Variants in C17orf67 observed in about 807,000 individuals in gnomAD.
The protein encoded by C17orf67 is chromosome 17 open reading frame 67.
C17orf67 carries 12 observed loss-of-function variants against 11.2 expected under a neutral mutation model. The ratio of observed to expected loss-of-function variants is 1.07; its 90% confidence interval spans 0.68 to 1.73. The LOEUF (loss-of-function observed/expected upper bound fraction) is 1.73, where lower values mean the gene tolerates loss of function less well. C17orf67 is among the 40% of genes most tolerant of loss of function. The probability of loss-of-function intolerance (pLI) is 0.00; values close to 1 mark genes in which losing one functional copy is unlikely to be tolerated. For missense variants in C17orf67, 115 were observed against 113.5 expected (o/e 1.01, Z -0.06); for synonymous variants, 59 against 46.9 (o/e 1.26, Z -1.05).
chr17:56,827,243 A>AT (rs1906062442), intron 2 of C17orf67, among the ~76,000 whole-genome samples: 2 of 152,244 alleles, frequency 1.3e-5, no homozygotes, highest in East Asian at 1.9e-4. Context: ...TCCTACCAGA[A>AT]TTTTTTTTGA....
chr17:56,811,760 G>A (rs1239084691), intron 6 of C17orf67, among the ~76,000 whole-genome samples: 2 of 152,204 alleles, frequency 1.3e-5, no homozygotes, highest in Non-Finnish European at 2.9e-5. Context: ...TGATCAGCAC[G>A]CACCACTTGA....
chr17:56,795,400 G>A (rs374146273), intron 6 of C17orf67: 42 of 532,556 alleles, frequency 7.9e-5, no homozygotes, highest in South Asian at 4.5e-4. Flanking sequence ...AGTGCTGAGC[G>A]GGTGGATTTC....
chr17:56,797,280 T>C (rs1820604673), intron 6 of C17orf67, among the ~76,000 whole-genome samples: 1 of 152,096 alleles, frequency 6.6e-6, no homozygotes, highest in African/African-American at 2.4e-5. Flanking sequence ...TGTCTAAGTT[T>C]GCAGGGCCAA....
intron 2 of C17orf67, among the ~76,000 whole-genome samples, chr17:56,826,678 T>A (rs1906041055): frequency 1.3e-5 from 2 of 152,246 alleles, no homozygotes; most frequent in Non-Finnish European, 2.9e-5. Context: ...TTTAACAAGA[T>A]TCCCAGGGCA....
At chr17:56,812,441 G>A (rs191431936) in intron 6 of C17orf67, among the ~76,000 whole-genome samples, 32 of 152,326 alleles carry the variant, frequency 2.1e-4, no homozygotes, top group African/African-American at 7.7e-4. Flanking sequence ...ACCTATGGAT[G>A]AGAACTACTG....
chr17:56,832,254 T>C (rs1349156034), intron 2 of C17orf67, among the ~76,000 whole-genome samples: 2 of 152,158 alleles, frequency 1.3e-5, no homozygotes, highest in African/African-American at 4.8e-5. Context: ...CCTAAACACA[T>C]AGTTTTTAAC....
chr17:56,826,703 G>A (rs1233449301), intron 2 of C17orf67, among the ~76,000 whole-genome samples: 1 of 152,238 alleles, frequency 6.6e-6, no homozygotes, highest in Non-Finnish European at 1.5e-5. Flanking sequence ...TCTCAGAGAA[G>A]TAGCAGAATA....
At chr17:56,821,692 C>T (rs1397710584) in intron 4 of C17orf67, among the ~76,000 whole-genome samples, 6 of 152,212 alleles carry the variant, frequency 3.9e-5, no homozygotes, top group Admixed American at 6.5e-5. Flanking sequence ...TATTTACAGG[C>T]ATACTGTGCA....
intron 6 of C17orf67, among the ~76,000 whole-genome samples, chr17:56,807,883 C>T (rs912790609): frequency 2.7e-5 from 4 of 145,812 alleles, no homozygotes; most frequent in Non-Finnish European, 4.5e-5. Context: ...CAGTGAGACC[C>T]TGTCTCAAAA....
intron 4 of C17orf67, among the ~76,000 whole-genome samples, chr17:56,821,355 T>C (rs544809611): frequency 8.3e-4 from 126 of 152,354 alleles, no homozygotes; most frequent in Non-Finnish European, 1.5e-3. Flanking sequence ...TAAAGAATTA[T>C]ATATACATTG....
intron 2 of C17orf67, among the ~76,000 whole-genome samples, chr17:56,828,779 G>A (rs1906110150): frequency 6.9e-6 from 1 of 144,876 alleles, no homozygotes; most frequent in Non-Finnish European, 1.5e-5. Flanking sequence ...TGTAACATAC[G>A]AAAAGCAGCT....
intron 4 of C17orf67, among the ~76,000 whole-genome samples, chr17:56,823,530 A>G (rs73325015): frequency 0.016 from 2,488 of 152,318 alleles, 63 homozygotes; most frequent in African/African-American, 0.057. Flanking sequence ...TAAAAAAGGA[A>G]TGTTCAGAAA....
At chr17:56,800,739 G>A in intron 6 of C17orf67, among the ~76,000 whole-genome samples, 1 of 152,114 alleles carries the variant, frequency 6.6e-6, no homozygotes, top group South Asian at 2.1e-4. Context: ...ACTTCTCTGG[G>A]TCTCCAAAGC....
intron 6 of C17orf67, among the ~76,000 whole-genome samples, chr17:56,805,971 CTTTTTTTTTT>C (rs10684052): frequency 1.7e-4 from 17 of 98,018 alleles, no homozygotes; most frequent in South Asian, 7.0e-4. Flanking sequence ...GTTGATTTTC[CTTTTTTTTTT>C]TTTTTTTTTT....
intron 6 of C17orf67, among the ~76,000 whole-genome samples, chr17:56,797,371 C>T (rs1166330780): frequency 6.6e-6 from 1 of 152,110 alleles, no homozygotes; most frequent in East Asian, 1.9e-4. Flanking sequence ...ACAGCACAAC[C>T]TTTGCAAGGC....
At chr17:56,811,564 T>G (rs1477705859) in intron 6 of C17orf67, among the ~76,000 whole-genome samples, 1 of 151,256 alleles carries the variant, frequency 6.6e-6, no homozygotes, top group Non-Finnish European at 1.5e-5. Flanking sequence ...ACTCTCTTCT[T>G]GCAGAGCCGC....
At chr17:56,806,556 G>C (rs1337103688) in intron 6 of C17orf67, among the ~76,000 whole-genome samples, 1 of 152,260 alleles carries the variant, frequency 6.6e-6, no homozygotes, top group East Asian at 1.9e-4. Context: ...TAGGAAGGCA[G>C]AATTTTACTG....
intron 4 of C17orf67, among the ~76,000 whole-genome samples, chr17:56,824,023 T>A (rs931330939): frequency 6.6e-6 from 1 of 152,256 alleles, no homozygotes; most frequent in Admixed American, 6.5e-5. Flanking sequence ...ATGACTGCTA[T>A]GATTGGAGTG....
intron 4 of C17orf67, among the ~76,000 whole-genome samples, chr17:56,823,352 C>A (rs1201599897): frequency 1.3e-5 from 2 of 151,492 alleles, no homozygotes; most frequent in Non-Finnish European, 2.9e-5. Flanking sequence ...ACCTGAGGTT[C>A]AACAGACATC....
Sources: allele counts gnomAD v4.1 joint callset (sites outside exome capture counted in the v4.1 genomes callset), GRCh38; gene constraint gnomAD v4.1.1; transcripts MANE v1.5; gene names NCBI Gene and HGNC (gene_info 2026-07-23, HGNC 2026-07-21).